MARCHF1: variants seen among roughly 807,000 people sequenced by gnomAD.
MARCHF1 encodes the protein membrane associated ring-CH-type finger 1.
MARCHF1 carries 40 observed loss-of-function variants against 54.2 expected under a neutral mutation model. That is an observed-to-expected ratio of 0.74 (90% CI 0.57 to 0.96). MARCHF1 has a LOEUF of 0.96. MARCHF1 is among the 40% of genes least tolerant of loss of function. The probability of loss-of-function intolerance (pLI) is 0.00; values close to 1 mark genes in which losing one functional copy is unlikely to be tolerated. For missense variants in MARCHF1, 586 were observed against 656.5 expected (o/e 0.89, Z 1.17); for synonymous variants, 236 against 236.3 (o/e 1.00, Z 0.01).
At chr4:164,014,800 G>A (rs748220422) in intron 2 of MARCHF1, among the ~76,000 whole-genome samples, 43 of 152,234 alleles carry the variant, frequency 2.8e-4, no homozygotes, top group Non-Finnish European at 5.7e-4. Flanking sequence ...ATTATATAAT[G>A]ATAAAGGGAT....
At chr4:163,566,813 G>T (rs1445073940) in intron 8 of MARCHF1, among the ~76,000 whole-genome samples, 1 of 152,172 alleles carries the variant, frequency 6.6e-6, no homozygotes, top group African/African-American at 2.4e-5. Flanking sequence ...GCTTATTTGG[G>T]AAATTCGCTA....
intron 4 of MARCHF1, 95 bp from the exon 5 acceptor site, chr4:163,700,958 T>C: frequency 1.3e-6 from 1 of 796,822 alleles, no homozygotes. Flanking sequence ...CAAGGAAATC[T>C]GTGAATGCTC....
At chr4:163,749,394 T>G (rs752776823) in intron 4 of MARCHF1, among the ~76,000 whole-genome samples, 1 of 152,146 alleles carries the variant, frequency 6.6e-6, no homozygotes, top group Non-Finnish European at 1.5e-5. Context: ...TCAGGTTTGC[T>G]TCTTGTTTTC....
chr4:163,730,092 T>C (rs1324359136), intron 4 of MARCHF1, among the ~76,000 whole-genome samples: 1 of 152,152 alleles, frequency 6.6e-6, no homozygotes, highest in Non-Finnish European at 1.5e-5. Flanking sequence ...ATATTTTCTT[T>C]CTGTTTTTCA....
intron 3 of MARCHF1, among the ~76,000 whole-genome samples, chr4:163,863,380 T>C (rs1018751977): frequency 6.6e-6 from 1 of 152,050 alleles, no homozygotes; most frequent in Non-Finnish European, 1.5e-5. Context: ...TGGTCCCCTA[T>C]GGAGGTATGA....
intron 2 of MARCHF1, among the ~76,000 whole-genome samples, chr4:164,064,423 G>T (rs957228950): frequency 1.3e-5 from 2 of 152,152 alleles, no homozygotes; most frequent in Non-Finnish European, 1.5e-5. Context: ...TTGTGAAAGG[G>T]AGTTCATTCC....
At chr4:163,626,164 T>G (rs961505586) in intron 5 of MARCHF1, among the ~76,000 whole-genome samples, 1 of 152,222 alleles carries the variant, frequency 6.6e-6, no homozygotes, top group Non-Finnish European at 1.5e-5. Flanking sequence ...ACTAATTTTA[T>G]CAAAGTTATT....
intron 5 of MARCHF1, among the ~76,000 whole-genome samples, chr4:163,638,805 G>A (rs148942054): frequency 6.6e-6 from 1 of 152,104 alleles, no homozygotes; most frequent in Non-Finnish European, 1.5e-5. Context: ...AATAAGGTAT[G>A]TATACGTATA....
intron 5 of MARCHF1, among the ~76,000 whole-genome samples, chr4:163,650,410 G>A (rs910279442): frequency 1.3e-5 from 2 of 151,928 alleles, no homozygotes. Context: ...TTGAATTCCT[G>A]CTCTGCCATT....
chr4:163,698,542 T>G (rs1299490135), intron 5 of MARCHF1, among the ~76,000 whole-genome samples: 1 of 152,206 alleles, frequency 6.6e-6, no homozygotes, highest in Non-Finnish European at 1.5e-5. Flanking sequence ...ATAGAGTTTT[T>G]TTATTTCTCT....
intron 2 of MARCHF1, among the ~76,000 whole-genome samples, chr4:164,093,236 A>G (rs191507819): frequency 2.0e-5 from 3 of 152,252 alleles, no homozygotes; most frequent in Admixed American, 1.3e-4. Flanking sequence ...AGTAGACCCA[A>G]TTGGACTATA....
intron 1 of MARCHF1, among the ~76,000 whole-genome samples, chr4:164,137,026 A>C (rs1038275849): frequency 3.9e-5 from 6 of 152,174 alleles, no homozygotes; most frequent in Non-Finnish European, 7.3e-5. Flanking sequence ...TAGGCCCCAA[A>C]GGATTGAAAG....
chr4:164,333,583 A>T (rs894953972), intron 1 of MARCHF1, among the ~76,000 whole-genome samples: 2 of 152,214 alleles, frequency 1.3e-5, no homozygotes, highest in Non-Finnish European at 1.5e-5. Flanking sequence ...GGACATGTCT[A>T]TTCTGATTAC....
intron 1 of MARCHF1, among the ~76,000 whole-genome samples, chr4:164,334,754 G>A (rs1729686088): frequency 6.6e-6 from 1 of 152,260 alleles, no homozygotes; most frequent in African/African-American, 2.4e-5. Flanking sequence ...TGATGGATCT[G>A]GGCAAAGTAA....
chr4:164,117,154 A>T (rs1309285845), intron 1 of MARCHF1, among the ~76,000 whole-genome samples: 1 of 152,042 alleles, frequency 6.6e-6, no homozygotes, highest in Admixed American at 6.5e-5. Context: ...GCTACTTGGG[A>T]GGCTGAGACA....
chr4:163,769,562 C>T (rs1747093838), intron 4 of MARCHF1, among the ~76,000 whole-genome samples: 1 of 152,148 alleles, frequency 6.6e-6, no homozygotes, highest in Non-Finnish European at 1.5e-5. Flanking sequence ...ATTCTAAAGG[C>T]CATGTTGTCA....
chr4:163,758,490 CA>C (rs58546334), intron 4 of MARCHF1, among the ~76,000 whole-genome samples: 7,276 of 151,766 alleles, frequency 0.048, 432 homozygotes, highest in African/African-American at 0.14. Flanking sequence ...AATTAAAATT[CA>C]AAAAAAATTC....
At chr4:163,985,404 C>T (rs978861366) in intron 3 of MARCHF1, among the ~76,000 whole-genome samples, 1 of 152,054 alleles carries the variant, frequency 6.6e-6, no homozygotes, top group South Asian at 2.1e-4. Context: ...GGGTTATTAA[C>T]CAAACAGAGA....
chr4:163,624,241 T>C (rs907831239), intron 5 of MARCHF1, among the ~76,000 whole-genome samples: 7 of 152,056 alleles, frequency 4.6e-5, no homozygotes, highest in African/African-American at 1.7e-4. Context: ...CGTGAAACCC[T>C]GTGCACAAGT....
Sources: allele counts gnomAD v4.1 joint callset (sites outside exome capture counted in the v4.1 genomes callset), GRCh38; gene constraint gnomAD v4.1.1; transcripts MANE v1.5; gene names NCBI Gene and HGNC (gene_info 2026-07-23, HGNC 2026-07-21).